LNX1: variants seen among roughly 807,000 people sequenced by gnomAD.
The protein encoded by LNX1 is ligand of numb-protein X 1.
A neutral mutation model predicts 68.4 loss-of-function variants in LNX1; 54 were observed. The ratio of observed to expected loss-of-function variants is 0.79; its 90% CI spans 0.63 to 0.99. LNX1 has a LOEUF of 0.99. LNX1 is among the 50% of genes least tolerant of loss of function. LNX1 has a pLI of 0.00. For synonymous variants in LNX1, 336 were observed against 350.0 expected (o/e 0.96, Z 0.45); for missense variants, 906 against 926.4 (o/e 0.98, Z 0.29).
intron 4 of LNX1, among the ~76,000 whole-genome samples, chr4:53,499,332 C>T (rs60831969): frequency 0.14 from 20,699 of 151,968 alleles, 1,464 homozygotes; most frequent in East Asian, 0.16. Flanking sequence ...CAAATTTTTA[C>T]ATTTTTTGTG....
upstream of LNX1, among the ~76,000 whole-genome samples, chr4:53,618,654 A>T (rs1733762891): frequency 6.6e-6 from 1 of 152,168 alleles, no homozygotes; most frequent in Non-Finnish European, 1.5e-5. Flanking sequence ...AGGGCCTTGA[A>T]GGCAGTGCTG....
chr4:53,524,660 C>T (rs1211593425), intron 2 of LNX1, among the ~76,000 whole-genome samples: 1 of 152,132 alleles, frequency 6.6e-6, no homozygotes, highest in Non-Finnish European at 1.5e-5. Flanking sequence ...GACTCAATTC[C>T]TAGAAAGTGA....
Position 53,459,425 on chromosome 4 carries a change from C to T in LNX1, c.*1482G>A. The stretch of plus-strand genomic sequence containing the variant: ...GTGAGCCTGCCCCTGAACAGGAGAG[C>T]ACCGAAGCTACACCTGCAGAATAGG... On this transcript the variant is annotated 3_prime_UTR_variant, in exon 11 of 11. Coordinates refer to ENST00000263925, the MANE Select transcript of LNX1 (RefSeq NM_001126328.3). 1.9e-6 allele frequency: 3 copies of T among 1,613,108 alleles called. No homozygotes were observed. The highest frequency in any genetic ancestry group is 2.5e-6 in the Non-Finnish European group (3 of 1,179,538).
At chr4:53,466,470 AC>A (rs1461617191) in intron 9 of LNX1, among the ~76,000 whole-genome samples, 1 of 152,202 alleles carries the variant, frequency 6.6e-6, no homozygotes, top group African/African-American at 2.4e-5. Context: ...GGTTCATCTC[AC>A]TAGGGAGTGC....
At position 53,557,422 on chromosome 4, in the gene LNX1, G is replaced by A. The variant is rs569378107; in HGVS notation, c.380+16201C>T. Among the ~76,000 whole-genome samples the A allele has an allele frequency of 3.3e-5, 5 of 152,172 alleles. No individual in the cohort carries two copies. The East Asian group carries it at 9.7e-4, about 29-fold the overall frequency. On this transcript the variant is annotated intron_variant, in intron 2 of 10. Transcript: ENST00000263925. ...ATGGATATATACATTTTATACATAG[G>A]GTTCTTTTTTTACTGATACTATACC...
intron 2 of LNX1, among the ~76,000 whole-genome samples, chr4:53,526,384 T>C (rs114154411): frequency 6.6e-6 from 1 of 152,136 alleles, no homozygotes; most frequent in Non-Finnish European, 1.5e-5. Flanking sequence ...TACCAACTGA[T>C]CAAACCACCA....
intron 6 of LNX1, among the ~76,000 whole-genome samples, chr4:53,492,690 C>T (rs1306880426): frequency 1.3e-5 from 2 of 152,176 alleles, no homozygotes; most frequent in South Asian, 2.1e-4. Context: ...GTTGGGGGAG[C>T]AAGACGCTGA....
At chr4:53,601,906 C>G (rs1315447828) in intron 2 of LNX1, among the ~76,000 whole-genome samples, 1 of 152,158 alleles carries the variant, frequency 6.6e-6, no homozygotes, top group Non-Finnish European at 1.5e-5. Context: ...CCCTGCCCTG[C>G]ATCCCCTCTT....
chr4:53,552,189 C>T (rs965675079), intron 2 of LNX1, among the ~76,000 whole-genome samples: 3 of 151,964 alleles, frequency 2.0e-5, no homozygotes, highest in Admixed American at 6.5e-5. Context: ...CAGGACTTGT[C>T]GTCCTCCAGT....
At position 53,459,790 on chromosome 4, in the gene LNX1, G is replaced by C; in HGVS notation, c.*1117C>G. On this transcript the variant is annotated 3_prime_UTR_variant, in exon 11 of 11. Transcript: ENST00000263925. The stretch of plus-strand genomic sequence containing the variant: ...GTTCCACTTGGGCCACAGTTTTTTT[G>C]TTAATCAAACACCACTCTCTTAAGA... 6.3e-6 allele frequency: 2 copies of C among 317,226 alleles called. No individual in the cohort carries two copies. Among genetic ancestry groups the C allele is most frequent in the African/African-American group, 2.2e-5 (1 of 46,436 alleles). 19.7% of individuals were successfully genotyped at this position (317,226 alleles called of 1,614,324 possible). A position where few individuals can be genotyped will look rare whatever the true frequency, so the allele number is the denominator to read the frequency against.
At chr4:53,510,769 G>A (rs913835124) in intron 2 of LNX1, among the ~76,000 whole-genome samples, 2 of 152,174 alleles carry the variant, frequency 1.3e-5, no homozygotes, top group African/African-American at 2.4e-5. Context: ...TTCTGAGGAG[G>A]CAGCAATGCT....
At position 53,481,811 on chromosome 4, in the gene LNX1, C is replaced by T. The variant is rs188640593; in HGVS notation, c.1394G>A (p.Arg465Gln). Residue 465 changes from arginine (R) to glutamine (Q), a missense_variant, in exon 7 of 11, where the codon CGG becomes CAG. By Grantham distance (43) the Arg-to-Gln change is conservative. Transcript: ENST00000263925. ...CTGAAAGATGTCAGGGCTCCGCTGC[C>T]GAACCTGGCGGGACACGACGAGGTG... ...RVHLVVSRQV[R>Q]QRSPDIFQEA... 1.4e-4 allele frequency: 230 copies of T among 1,612,840 alleles called. No homozygotes were observed. In the East Asian group the frequency reaches 4.3e-3, roughly 30 times the overall value.
chr4:53,565,403 T>G (rs13139195), intron 2 of LNX1, among the ~76,000 whole-genome samples: 9 of 151,648 alleles, frequency 5.9e-5, no homozygotes, highest in Non-Finnish European at 8.8e-5. Context: ...CACCTCACAC[T>G]GCAGGGTACT....
Position 53,575,920 on chromosome 4 carries a change from T to C in LNX1, c.-86-1832A>G, listed in dbSNP as rs1731457713. On this transcript the variant is annotated intron_variant, in intron 1 of 10. Coordinates refer to ENST00000263925, the MANE Select transcript of LNX1 (RefSeq NM_001126328.3). ...GGAGGACTGCCGAGAGGCTGTGCAG[T>C]GTCTTGGGGTCAGCACCAACCTGCC... The C allele has an allele frequency of 3.8e-6, 6 of 1,566,324 alleles. No individual in the cohort carries two copies. The Admixed American group carries it at 9.2e-5, about 24-fold the overall frequency.
intron 9 of LNX1, among the ~76,000 whole-genome samples, chr4:53,474,932 A>T (rs995519473): frequency 2.0e-5 from 3 of 152,072 alleles, no homozygotes; most frequent in African/African-American, 7.2e-5. Context: ...ACGCTTGGCT[A>T]ATTTTTTGTA....
intron 2 of LNX1, among the ~76,000 whole-genome samples, chr4:53,548,933 C>A (rs936723873): frequency 4.6e-5 from 7 of 152,112 alleles, no homozygotes; most frequent in Admixed American, 4.6e-4. Flanking sequence ...AACAGAAAAC[C>A]AAATGCTGCA....
intron 4 of LNX1, among the ~76,000 whole-genome samples, chr4:53,505,415 C>T (rs1725806000): frequency 2.6e-5 from 4 of 152,042 alleles, no homozygotes; most frequent in Admixed American, 2.6e-4. Context: ...CATGCCCTGG[C>T]TAATTTTTGT....
chr4:53,606,130 T>C (rs370769248), intron 2 of LNX1, among the ~76,000 whole-genome samples: 2 of 151,832 alleles, frequency 1.3e-5, no homozygotes, highest in East Asian at 1.9e-4. Flanking sequence ...GGAAAAACCA[T>C]ACACAAACCC....
intron 1 of LNX1, among the ~76,000 whole-genome samples, chr4:53,581,087 C>A (rs1731805517): frequency 6.6e-6 from 1 of 152,026 alleles, no homozygotes; most frequent in South Asian, 2.1e-4. Flanking sequence ...CTCCGTGTCC[C>A]CACCCCACCC....
Sources: allele counts gnomAD v4.1 joint callset (sites outside exome capture counted in the v4.1 genomes callset), GRCh38; gene constraint gnomAD v4.1.1; transcripts MANE v1.5; gene names NCBI Gene and HGNC (gene_info 2026-07-23, HGNC 2026-07-21).